The following RIMS2 variants were observed in gnomAD, a reference collection of about 807,000 sequenced individuals.
RIMS2 encodes the protein regulating synaptic membrane exocytosis 2, also known as regulating synaptic membrane exocytosis protein 2.
RIMS2 carries 59 observed loss-of-function variants against 174.4 expected under a neutral mutation model. The ratio of observed to expected loss-of-function variants is 0.34; its 90% CI spans 0.27 to 0.42. The LOEUF (loss-of-function observed/expected upper bound fraction) is 0.42, where lower values mean the gene tolerates loss of function less well. Among genes scored for constraint, RIMS2 ranks in the 10% least tolerant of loss-of-function variants. The pLI is 1.00. For synonymous variants in RIMS2, 606 were observed against 572.5 expected, an observed-to-expected ratio of 1.06 and a Z score of -0.84; for missense variants, 1,620 against 1,666.3, an observed-to-expected ratio of 0.97 and a Z score of 0.48.
rs554655587 is a variant in RIMS2 at position 103,627,000 on chromosome 8, G to T, written c.177-70086G>T. On this transcript the variant is annotated intron_variant, in intron 1 of 23. Coordinates refer to ENST00000504942, the Ensembl canonical transcript of RIMS2. ...AACAGGGTTTTAGAGCAGACAAACA[G>T]TCTGACTAGAATTTACCAGGCTGGA... Among the ~76,000 whole-genome samples the T allele has an allele frequency of 7.4e-4, 112 of 152,250 alleles. 1 individual carries two copies. The highest frequency in any genetic ancestry group is 2.4e-3 in the African/African-American group (99 of 41,550).
chr8:104,015,500 TG>T, intron 19 of RIMS2: 1 of 643,922 alleles, frequency 1.6e-6, no homozygotes. Flanking sequence ...ACAGCCTTTT[TG>T]GGGGGCTAGT....
intron 1 of RIMS2, among the ~76,000 whole-genome samples, chr8:103,613,483 A>C (rs1481605379): frequency 6.6e-6 from 1 of 152,142 alleles, no homozygotes; most frequent in Non-Finnish European, 1.5e-5. Flanking sequence ...GCAGGTCCAG[A>C]AATTCTCTCC....
chr8:104,101,576 A>G (rs1377554190), intron 19 of RIMS2, among the ~76,000 whole-genome samples: 1 of 152,176 alleles, frequency 6.6e-6, no homozygotes, highest in Non-Finnish European at 1.5e-5. Flanking sequence ...ACACACACAC[A>G]TATATATACA....
At chr8:103,580,997 T>A (rs2093586288) in intron 1 of RIMS2, among the ~76,000 whole-genome samples, 1 of 151,756 alleles carries the variant, frequency 6.6e-6, no homozygotes, top group African/African-American at 2.4e-5. Context: ...GTCCAGCTAA[T>A]TTTTTTGTAT....
intron 1 of RIMS2, among the ~76,000 whole-genome samples, chr8:103,510,026 G>T (rs1825703579): frequency 6.6e-6 from 1 of 152,080 alleles, no homozygotes. Flanking sequence ...CTAAACAGAG[G>T]AACTGGATAA....
intron 1 of RIMS2, among the ~76,000 whole-genome samples, chr8:103,590,790 A>G (rs1470449564): frequency 4.0e-5 from 6 of 151,148 alleles, no homozygotes; most frequent in Non-Finnish European, 8.9e-5. Context: ...AATGTTTTTG[A>G]GATTCATTTA....
chr8:103,621,370 C>T (rs1238943933), intron 1 of RIMS2, among the ~76,000 whole-genome samples: 2 of 152,100 alleles, frequency 1.3e-5, no homozygotes, highest in African/African-American at 2.4e-5. Context: ...TGGTTAGCAA[C>T]TTAGAACTTT....
chr8:103,550,623 G>A (rs898881762), intron 1 of RIMS2, among the ~76,000 whole-genome samples: 3 of 151,820 alleles, frequency 2.0e-5, no homozygotes, highest in Non-Finnish European at 2.9e-5. Flanking sequence ...AACTGAAGGA[G>A]ATAGAGACAC....
At chr8:103,915,504 G>A in exon 7 of RIMS2, 1 of 1,594,150 alleles carries the variant, frequency 6.3e-7, no homozygotes, top group Non-Finnish European at 8.6e-7. Flanking sequence ...GGTTGTAGGA[G>A]GAAAGATGAC....
chr8:104,099,090 T>A (rs955611449), intron 19 of RIMS2, among the ~76,000 whole-genome samples: 2 of 152,210 alleles, frequency 1.3e-5, no homozygotes, highest in African/African-American at 4.8e-5. Context: ...GAGCATTGCC[T>A]GTTATTCTGA....
intron 16 of RIMS2, among the ~76,000 whole-genome samples, chr8:103,980,972 T>A (rs1490821122): frequency 6.6e-6 from 1 of 152,190 alleles, no homozygotes; most frequent in East Asian, 1.9e-4. Context: ...CCAGATAGCA[T>A]CTGTGGATCT....
In RIMS2 at chr8:104,244,899, T is replaced by G; in HGVS notation, c.3335-17T>G. ...GTGATTACAAAGCTGTTACACTTTT[T>G]GTTTCTATCTCTGCAGAAGCAGGAG... On this transcript the variant is annotated splice_polypyrimidine_tract_variant and intron_variant, in intron 19 of 23. Coordinates refer to ENST00000504942, the Ensembl canonical transcript of RIMS2. 1 of 1,609,172 alleles carries G rather than the reference T, an allele frequency of 6.2e-7. No individual in the cohort carries two copies. Among genetic ancestry groups the G allele is most frequent in the South Asian group, 1.1e-5 (1 of 90,848 alleles).
intron 19 of RIMS2, among the ~76,000 whole-genome samples, chr8:104,128,564 G>A (rs11989077): frequency 0.23 from 34,971 of 151,934 alleles, 4,381 homozygotes; most frequent in African/African-American, 0.33. Flanking sequence ...GGGCGTAGTG[G>A]CACATGCCTG....
At chr8:103,685,884 G>C (rs1010642380) in intron 1 of RIMS2, among the ~76,000 whole-genome samples, 1 of 152,068 alleles carries the variant, frequency 6.6e-6, no homozygotes, top group Admixed American at 6.6e-5. Flanking sequence ...GTTTTATTGG[G>C]AATGGCATTG....
chr8:103,625,861 A>T (rs1044576814), intron 1 of RIMS2, among the ~76,000 whole-genome samples: 1 of 151,880 alleles, frequency 6.6e-6, no homozygotes, highest in African/African-American at 2.4e-5. Flanking sequence ...ACATTATATA[A>T]TATATATAAA....
At chr8:104,118,699 C>T (rs1396952180) in intron 19 of RIMS2, among the ~76,000 whole-genome samples, 1 of 152,050 alleles carries the variant, frequency 6.6e-6, no homozygotes, top group Non-Finnish European at 1.5e-5. Context: ...GTGTTTTAGT[C>T]ACCTCAGGCT....
chr8:103,850,214 T>C, intron 3 of RIMS2, among the ~76,000 whole-genome samples: 1 of 152,078 alleles, frequency 6.6e-6, no homozygotes, highest in East Asian at 1.9e-4. Context: ...AGTCATTCAA[T>C]TACATATGAC....
intron 19 of RIMS2, among the ~76,000 whole-genome samples, chr8:104,048,014 A>G (rs1015935324): frequency 2.0e-5 from 3 of 152,180 alleles, no homozygotes; most frequent in African/African-American, 7.2e-5. Flanking sequence ...GTTTTAATGA[A>G]AGCACAAAAT....
intron 17 of RIMS2, among the ~76,000 whole-genome samples, chr8:103,999,753 G>T (rs547932304): frequency 6.6e-6 from 1 of 151,732 alleles, no homozygotes; most frequent in African/African-American, 2.4e-5. Context: ...TAGGTTATCT[G>T]CTTCATGTTA....
Sources: gnomAD v4.1 joint callset for allele counts (sites outside exome capture counted in the v4.1 genomes callset) on GRCh38, gnomAD v4.1.1 for gene constraint, MANE v1.5 for transcripts, NCBI Gene and HGNC (gene_info 2026-07-23, HGNC 2026-07-21) for gene names.